The following DLG2 variants were observed in gnomAD, a reference collection of about 807,000 sequenced individuals.
The protein encoded by DLG2 is disks large homolog 2.
DLG2 carries 45 observed loss-of-function variants against 132.5 expected under a neutral mutation model. The ratio of observed to expected loss-of-function variants is 0.34; its 90% CI spans 0.27 to 0.44. DLG2 has a LOEUF of 0.44. Ranked by LOEUF, DLG2 falls within the 20% of genes least tolerant of loss-of-function variation. The probability of loss-of-function intolerance (pLI) is 1.00; values close to 1 mark genes in which losing one functional copy is unlikely to be tolerated. For missense variants in DLG2, 1,045 were observed against 1,196.9 expected (o/e 0.87, Z 1.87); for synonymous variants, 424 against 419.6 (o/e 1.01, Z -0.13).
At chr11:83,850,675 G>T (rs771219801) in intron 16 of DLG2, among the ~76,000 whole-genome samples, 2 of 152,314 alleles carry the variant, frequency 1.3e-5, no homozygotes, top group Admixed American at 6.5e-5. Flanking sequence ...TTCTTAGACA[G>T]GGCAAACAGA....
intron 9 of DLG2, among the ~76,000 whole-genome samples, chr11:84,143,623 A>G (rs969444739): frequency 3.3e-5 from 5 of 152,198 alleles, no homozygotes; most frequent in African/African-American, 1.2e-4. Context: ...GATAAAATAT[A>G]AGCTTGTAAA....
At chr11:85,178,476 T>A (rs1595114988) in intron 4 of DLG2, among the ~76,000 whole-genome samples, 1 of 151,928 alleles carries the variant, frequency 6.6e-6, no homozygotes. Flanking sequence ...TCCAAACTGT[T>A]TGAAGAAAGT....
chr11:84,486,020 G>A (rs1412032698), intron 7 of DLG2, among the ~76,000 whole-genome samples: 4 of 152,114 alleles, frequency 2.6e-5, no homozygotes, highest in South Asian at 4.1e-4. Context: ...AAGGCAACCT[G>A]ACATTTCTGT....
chr11:84,693,849 T>C (rs1200638557), intron 6 of DLG2, among the ~76,000 whole-genome samples: 3 of 151,718 alleles, frequency 2.0e-5, no homozygotes. Context: ...TGACTACTAC[T>C]CATCTGGAAA....
At chr11:84,451,184 A>G (rs72961669) in intron 7 of DLG2, among the ~76,000 whole-genome samples, 3,370 of 151,932 alleles carry the variant, frequency 0.022, 61 homozygotes, top group Non-Finnish European at 0.035. Context: ...TTCTTTCATT[A>G]TAAATGTTTG....
intron 6 of DLG2, among the ~76,000 whole-genome samples, chr11:84,667,063 C>T (rs953204448): frequency 6.6e-6 from 1 of 151,942 alleles, no homozygotes; most frequent in Admixed American, 6.6e-5. Context: ...GATGAGAATG[C>T]CACAATTTAA....
intron 4 of DLG2, among the ~76,000 whole-genome samples, chr11:85,180,509 A>G (rs1329405613): frequency 6.6e-6 from 1 of 151,814 alleles, no homozygotes; most frequent in African/African-American, 2.4e-5. Context: ...GGGACAAATA[A>G]ACTGCATACT....
At chr11:83,692,083 G>A in intron 18 of DLG2, 1 of 152,084 alleles carries the variant, frequency 6.6e-6, no homozygotes, top group African/African-American at 2.4e-5. Context: ...CCGGTAAGTG[G>A]TAGATCTGAG....
intron 4 of DLG2, among the ~76,000 whole-genome samples, chr11:85,277,688 T>C (rs1278799216): frequency 6.6e-6 from 1 of 151,854 alleles, no homozygotes; most frequent in Non-Finnish European, 1.5e-5. Context: ...CTTTTACAAG[T>C]TAGTTTGAGT....
At chr11:84,139,239 A>G (rs2094735110) in intron 9 of DLG2, among the ~76,000 whole-genome samples, 1 of 152,108 alleles carries the variant, frequency 6.6e-6, no homozygotes. Context: ...CCCGCCACAG[A>G]GGTGATCAAT....
At chr11:85,153,933 T>C (rs1204155769) in intron 5 of DLG2, among the ~76,000 whole-genome samples, 1 of 151,800 alleles carries the variant, frequency 6.6e-6, no homozygotes, top group African/African-American at 2.4e-5. Flanking sequence ...TGAAAACAAG[T>C]TTCTCTAATA....
At chr11:83,508,403 ATTTTTTTTT>A (rs746968613) in intron 21 of DLG2, among the ~76,000 whole-genome samples, 3 of 80,236 alleles carry the variant, frequency 3.7e-5, no homozygotes, top group East Asian at 6.2e-4. Context: ...CGCCTGGCTA[ATTTTTTTTT>A]TTTTTTTTTT....
intron 6 of DLG2, among the ~76,000 whole-genome samples, chr11:85,070,771 T>G (rs2065735303): frequency 6.6e-6 from 1 of 151,836 alleles, no homozygotes; most frequent in Admixed American, 6.6e-5. Context: ...TCACAGAGCC[T>G]GTTCTGACTA....
chr11:83,541,661 T>A lies in DLG2; in HGVS notation c.2117+21A>T, dbSNP rs774827353. The A allele has an allele frequency of 1.2e-5, 19 of 1,569,408 alleles. No individual in the cohort carries two copies. In the South Asian group the frequency reaches 2.2e-4, roughly 18 times the overall value. ...CTGGATAGCTGACAAGCAAATATTC[T>A]AGTACAAAAGGCATTCTTACCTCCT... On this transcript the variant is annotated intron_variant, in intron 20 of 27. Coordinates refer to ENST00000376104, the MANE Select transcript of DLG2 (RefSeq NM_001142699.3).
At chr11:84,907,373 G>A (rs2091628299) in intron 6 of DLG2, among the ~76,000 whole-genome samples, 1 of 152,132 alleles carries the variant, frequency 6.6e-6, no homozygotes, top group Non-Finnish European at 1.5e-5. Context: ...TAATGAAATT[G>A]AATAACAAGA....
rs530066673 is a variant in DLG2 at position 84,779,205 on chromosome 11, C to G, written c.358-244474G>C. Among the ~76,000 whole-genome samples, 18 of 152,154 alleles carry G rather than the reference C, an allele frequency of 1.2e-4. No individual in the cohort carries two copies. In the East Asian group the frequency reaches 3.1e-3, roughly 26 times the overall value. On this transcript the variant is annotated intron_variant, in intron 6 of 27. Transcript: ENST00000376104. ...ATATATATATGTGCGCACACACACACACACACACATATATATGTATATATA... is the reference window on the plus strand; with the variant it reads ...ATATATATATGTGCGCACACACACAGACACACACATATATATGTATATATA...
At chr11:83,875,525 C>T (rs1319257971) in intron 15 of DLG2, among the ~76,000 whole-genome samples, 1 of 152,070 alleles carries the variant, frequency 6.6e-6, no homozygotes, top group Non-Finnish European at 1.5e-5. Context: ...TTTAAGAATT[C>T]ATCTTGGAAT....
At chr11:84,640,492 A>T in intron 6 of DLG2, 1 of 454,386 alleles carries the variant, frequency 2.2e-6, no homozygotes, top group South Asian at 2.0e-5. Flanking sequence ...ACAGTTAAAA[A>T]CAAAGATATC....
chr11:84,088,662 C>T (rs1375518954), intron 10 of DLG2, among the ~76,000 whole-genome samples: 1 of 152,062 alleles, frequency 6.6e-6, no homozygotes, highest in Non-Finnish European at 1.5e-5. Context: ...TTCTTCTTGT[C>T]CAAGTACTCT....
Sources: allele counts gnomAD v4.1 joint callset (sites outside exome capture counted in the v4.1 genomes callset), GRCh38; gene constraint gnomAD v4.1.1; transcripts MANE v1.5; gene names NCBI Gene and HGNC (gene_info 2026-07-23, HGNC 2026-07-21).